SLC6A7: variants seen among roughly 807,000 people sequenced by gnomAD.
The protein encoded by SLC6A7 is sodium-dependent proline transporter.
SLC6A7 carries 58 observed loss-of-function variants against 73.1 expected under a neutral mutation model. That is an observed-to-expected ratio of 0.79 (90% confidence interval 0.64 to 0.99). SLC6A7 has a LOEUF of 0.99. SLC6A7 is among the 50% of genes least tolerant of loss of function. The pLI is 0.00. For missense variants in SLC6A7, 783 were observed against 831.4 expected (o/e 0.94, Z 0.72); for synonymous variants, 338 against 338.7 (o/e 1.00, Z 0.02).
Position 150,204,904 on chromosome 5 carries a change from T to C in SLC6A7, c.1510T>C (p.Phe504Leu). ...CCTCTACTTCAGGGCCTGCTGGCTG[T>C]TCCTGTCCCCAGCCACGCTCTTGGT... ...PGLYFRACWL[F>L]LSPATLLALM... The change falls in exon 12 of 14, where the codon TTC (phenylalanine) becomes CTC (leucine). Residue 504 changes from phenylalanine (F) to leucine (L), a missense_variant. Coordinates refer to ENST00000230671, the MANE Select transcript of SLC6A7 (RefSeq NM_014228.5). 1 of 1,599,756 alleles carries C rather than the reference T, an allele frequency of 6.3e-7. No individual in the cohort carries two copies. Among genetic ancestry groups the C allele is most frequent in the Non-Finnish European group, 8.6e-7 (1 of 1,167,386 alleles).
chr5:150,204,973 G>A (rs2113986241), intron 12 of SLC6A7, 46 bp downstream of exon 12: 3 of 1,214,128 alleles, frequency 2.5e-6, no homozygotes, highest in African/African-American at 1.5e-5. Flanking sequence ...CCCCAGAATT[G>A]AAAGCGGGAG....
intron 4 of SLC6A7, among the ~76,000 whole-genome samples, chr5:150,197,928 A>G (rs1036623711): frequency 1.3e-5 from 2 of 152,238 alleles, no homozygotes; most frequent in Non-Finnish European, 1.5e-5. Context: ...CTGGGCACAC[A>G]GTGGGTCCTG....
chr5:150,198,116 A>AAAG (rs5872162), intron 4 of SLC6A7, among the ~76,000 whole-genome samples: 3 of 85,088 alleles, frequency 3.5e-5, no homozygotes, highest in African/African-American at 5.8e-5. Flanking sequence ...AGAAAGAAAG[A>AAAG]GAAAGAAAGA....
intron 8 of SLC6A7, 139 bp downstream of exon 8, chr5:150,202,842 A>G: frequency 3.3e-6 from 3 of 910,654 alleles, no homozygotes; most frequent in South Asian, 3.4e-5. Flanking sequence ...TGGGAGGCCA[A>G]GGTGGGCGGA....
At position 150,199,372 on chromosome 5, in the gene SLC6A7, G is replaced by A. The variant is rs766754173; in HGVS notation, c.723+6G>A. 4 of 1,610,550 alleles carry A rather than the reference G, an allele frequency of 2.5e-6. No individual in the cohort carries two copies. Among genetic ancestry groups the A allele is most frequent in the Non-Finnish European group, 3.4e-6 (4 of 1,177,368 alleles). ...GTGTGAAGTCTTCGGGCAAGGTGAA[G>A]CCTGGGAGGCCCCGGAGGCCTGAGG... On this transcript the variant is annotated splice_donor_region_variant and intron_variant, in intron 5 of 13. Coordinates refer to ENST00000230671, the MANE Select transcript of SLC6A7 (RefSeq NM_014228.5).
Position 150,209,770 on chromosome 5 carries a change from C to T in SLC6A7, c.*155C>T. The T allele has an allele frequency of 1.5e-6, 1 of 649,402 alleles. No homozygotes were observed. The highest frequency in any genetic ancestry group is 1.8e-5 in the South Asian group (1 of 54,112). 40.2% of individuals were successfully genotyped at this position (649,402 alleles called of 1,614,324 possible). On this transcript the variant is annotated 3_prime_UTR_variant, in exon 14 of 14. Transcript: ENST00000230671. ...CCCCAGTGGGGGTCCCTTCTGCAGC[C>T]TCTGCCTCTCCTGAAACCTCTGACA...
chr5:150,209,838 G>C lies in SLC6A7; in HGVS notation c.*223G>C. 1 of 578,086 alleles carries C rather than the reference G, an allele frequency of 1.7e-6. No individual in the cohort carries two copies. Among genetic ancestry groups the C allele is most frequent in the African/African-American group, 1.9e-5 (1 of 53,576 alleles). The allele number at this position is 578,086 out of a possible 1,614,324, so 35.8% of individuals were successfully genotyped here. A position where few individuals can be genotyped will look rare whatever the true frequency, so the allele number is the denominator to read the frequency against. On this transcript the variant is annotated 3_prime_UTR_variant, in exon 14 of 14. Coordinates refer to ENST00000230671, the MANE Select transcript of SLC6A7 (RefSeq NM_014228.5). ...ACAGGCATACTCAGACCCACTCAAA[G>C]CTGAGAATGATCCAACTCAGCCCTA...
In SLC6A7 at chr5:150,205,587, G is replaced by C; in HGVS notation, c.1665G>C (p.Leu555=). ...GCCTCATGATCCCAGCTGGCATGCT[G>C]GTGGCTGTGCTTCGAGAAGAGGGCT... The part of the protein sequence containing the change: ...LSCLMIPAGM[L]VAVLREEGSL... The change falls in exon 13 of 14, where the codon CTG becomes CTC. Residue 555 remains leucine (L), a synonymous_variant. Coordinates refer to ENST00000230671, the MANE Select transcript of SLC6A7 (RefSeq NM_014228.5). The C allele has an allele frequency of 6.2e-7, 1 of 1,613,170 alleles. No individual in the cohort carries two copies. Among genetic ancestry groups the C allele is most frequent in the South Asian group, 1.1e-5 (1 of 90,982 alleles).
intron 12 of SLC6A7, 49 bp from the exon 13 acceptor site, chr5:150,205,407 G>GT (rs1045721322): frequency 7.3e-7 from 1 of 1,374,704 alleles, no homozygotes; most frequent in Non-Finnish European, 9.5e-7. Context: ...CGGGCCTTAA[G>GT]CAGTTTAGAC....
chr5:150,204,675 G>T, intron 11 of SLC6A7, 44 bp downstream of exon 11: 1 of 1,464,880 alleles, frequency 6.8e-7, no homozygotes, highest in Non-Finnish European at 9.6e-7. Flanking sequence ...TCCGCAGTGG[G>T]AGAATGGGAG....
In SLC6A7 at chr5:150,205,582, A is replaced by T. The variant is rs138692441; in HGVS notation, c.1660A>T (p.Met554Leu). The T allele has an allele frequency of 3.6e-5, 58 of 1,613,396 alleles. No individual in the cohort carries two copies. The East Asian group carries it at 1.2e-3, about 34-fold the overall frequency. Residue 554 changes from methionine to leucine, a missense_variant, in exon 13 of 14, where the codon ATG (methionine) becomes TTG (leucine). Coordinates refer to ENST00000230671, the MANE Select transcript of SLC6A7 (RefSeq NM_014228.5). ...GTCCTGCCTCATGATCCCAGCTGGC[A>T]TGCTGGTGGCTGTGCTTCGAGAAGA... ...LLSCLMIPAG[M>L]LVAVLREEGS...
chr5:150,199,569 TA>T (rs1313460490), intron 5 of SLC6A7, among the ~76,000 whole-genome samples: 1 of 152,194 alleles, frequency 6.6e-6, no homozygotes, highest in Admixed American at 6.5e-5. Context: ...GCTGCTTTAC[TA>T]GACTGGAAGC....
At position 150,209,897 on chromosome 5, in the gene SLC6A7, AG is replaced by A; in HGVS notation, c.*285del. 1 of 459,318 alleles carries A rather than the reference AG, an allele frequency of 2.2e-6. No individual in the cohort carries two copies. Among genetic ancestry groups the A allele is most frequent in the South Asian group, 2.4e-5 (1 of 41,484 alleles). The allele number at this position is 459,318 out of a possible 1,614,324, so 28.5% of individuals were successfully genotyped here. A position where few individuals can be genotyped will look rare whatever the true frequency, so the allele number is the denominator to read the frequency against. On this transcript the variant is annotated 3_prime_UTR_variant, in exon 14 of 14. Coordinates refer to ENST00000230671, the MANE Select transcript of SLC6A7 (RefSeq NM_014228.5). ...ATGGACATATTAAGGCCAGGAGGGG[AG>A]GGACTTGCCCCAGGTCGCATGGCAG...
At chr5:150,193,760 C>T (rs902625695) in intron 1 of SLC6A7, among the ~76,000 whole-genome samples, 1 of 152,188 alleles carries the variant, frequency 6.6e-6, no homozygotes. Context: ...GCCACCTGCC[C>T]TTTGGACATG....
chr5:150,191,393 G>T (rs1752776737), intron 1 of SLC6A7, among the ~76,000 whole-genome samples: 1 of 151,680 alleles, frequency 6.6e-6, no homozygotes, highest in South Asian at 2.1e-4. Context: ...CTCTGGGGCA[G>T]CTGGGCTTGG....
intron 1 of SLC6A7, among the ~76,000 whole-genome samples, chr5:150,193,425 C>CCAAAATTCA (rs1562075608): frequency 6.6e-6 from 1 of 152,188 alleles, no homozygotes; most frequent in Non-Finnish European, 1.5e-5. Flanking sequence ...TGCTCATGAG[C>CCAAAATTCA]CAAAATTCAC....
At chr5:150,200,779 T>C (rs1389396907) in intron 5 of SLC6A7, among the ~76,000 whole-genome samples, 1 of 152,036 alleles carries the variant, frequency 6.6e-6, no homozygotes, top group Non-Finnish European at 1.5e-5. Flanking sequence ...TTTGGGAATG[T>C]TGAATGTCTG....
Position 150,197,291 on chromosome 5 carries a change from G to C in SLC6A7, c.584+15G>C, listed in dbSNP as rs749482305. ...GAGTACTGGAGGTCAGGCAGCTGCT[G>C]GCCCCGCGGCATCTGAGGGGACCCT... On this transcript the variant is annotated intron_variant, in intron 4 of 13. Coordinates refer to ENST00000230671, the MANE Select transcript of SLC6A7 (RefSeq NM_014228.5). 12 of 1,557,096 alleles carry C rather than the reference G, an allele frequency of 7.7e-6. No individual in the cohort carries two copies. The highest frequency in any genetic ancestry group is 9.7e-6 in the Non-Finnish European group (11 of 1,139,538).
intron 4 of SLC6A7, among the ~76,000 whole-genome samples, chr5:150,197,713 AG>A: frequency 6.6e-6 from 1 of 152,330 alleles, no homozygotes. Flanking sequence ...GGTGTTATCC[AG>A]TTAGTCATTT....
Sources: allele counts gnomAD v4.1 joint callset (sites outside exome capture counted in the v4.1 genomes callset), GRCh38; gene constraint gnomAD v4.1.1; transcripts MANE v1.5; gene names NCBI Gene and HGNC (gene_info 2026-07-23, HGNC 2026-07-21).